CARS2: variants seen among roughly 807,000 people sequenced by gnomAD.
The protein encoded by CARS2 is cysteinyl-tRNA synthetase 2, mitochondrial, also known as probable cysteine--tRNA ligase, mitochondrial.
Under a neutral mutation model 68.8 loss-of-function variants are expected in CARS2, and 52 were observed. The ratio of observed to expected loss-of-function variants is 0.76; its 90% confidence interval spans 0.61 to 0.95. The LOEUF (loss-of-function observed/expected upper bound fraction) is 0.95. CARS2 is among the 40% of genes least tolerant of loss of function. The pLI, the probability that CARS2 is intolerant of heterozygous loss-of-function variation, is 0.00. For missense variants in CARS2, 780 were observed against 754.2 expected (o/e 1.03, Z -0.40); for synonymous variants, 314 against 303.6 (o/e 1.03, Z -0.36).
upstream of CARS2, chr13:110,706,353 C>G (rs1226522517): frequency 3.5e-6 from 1 of 283,818 alleles, no homozygotes; most frequent in Non-Finnish European, 6.5e-6. Flanking sequence ...GCCGGGAGGC[C>G]GTGGGAAGAG....
At chr13:110,703,887 TC>T (rs1278595596) in intron 2 of CARS2, among the ~76,000 whole-genome samples, 2 of 152,162 alleles carry the variant, frequency 1.3e-5, no homozygotes, top group Non-Finnish European at 2.9e-5. Flanking sequence ...AAACCCTAAC[TC>T]CCAAGGTGAC....
chr13:110,661,857 C>T (rs2062510759), intron 9 of CARS2, among the ~76,000 whole-genome samples: 1 of 152,174 alleles, frequency 6.6e-6, no homozygotes, highest in Non-Finnish European at 1.5e-5. Flanking sequence ...AGAACATGCA[C>T]AACACATACT....
Position 110,705,984 on chromosome 13 carries a change from C to A in CARS2, c.110G>T (p.Gly37Val), listed in dbSNP as rs1365757318. 7.3e-6 allele frequency: 11 copies of A among 1,505,802 alleles called. No homozygotes were observed. The South Asian group carries it at 1.2e-4, about 17-fold the overall frequency. 93.3% of individuals were successfully genotyped at this position (1,505,802 alleles called of 1,614,324 possible). A position where few individuals can be genotyped will look rare whatever the true frequency, so the allele number is the denominator to read the frequency against. Reference sequence around the variant, plus strand: ...GGGCTGCAGCCAGGCCCGCCCGCGCCCCCCGCTCGCCGCCCGGCCCGCAGG... The same window carrying A: ...GGGCTGCAGCCAGGCCCGCCCGCGCACCCCGCTCGCCGCCCGGCCCGCAGG... The part of the protein sequence containing the change: ...HWPAGRAASG[G>V]RGRAWLQPTG... The change falls in exon 1 of 15, where the codon GGG becomes GTG. Residue 37 changes from glycine (G) to valine (V), a missense_variant. Transcript: ENST00000257347. The surrounding 1 kb of genome is among the most constrained non-coding windows in gnomAD (Gnocchi z 4.0).
Position 110,706,075 on chromosome 13 carries a change from C to G in CARS2, c.19G>C (p.Gly7Arg). Residue 7 changes from glycine (G) to arginine (R), a missense_variant, in exon 1 of 15, where the codon GGC becomes CGC. Physicochemically the swap from Gly to Arg is moderately radical, Grantham distance 125. Transcript: ENST00000257347. Reference protein sequence around the residue: MLRTTRGPGLGPPLLQA... With the variant: MLRTTRRPGLGPPLLQA... Reference sequence around the variant, plus strand: ...AGCAGCGGGGGGCCCAGGCCTGGGCCGCGCGTAGTCCTCAACATGTCAGCG... The same window carrying G: ...AGCAGCGGGGGGCCCAGGCCTGGGCGGCGCGTAGTCCTCAACATGTCAGCG... The G allele has an allele frequency of 1.5e-6, 2 of 1,341,052 alleles. No individual in the cohort carries two copies. Among genetic ancestry groups the G allele is most frequent in the Non-Finnish European group, 9.5e-7 (1 of 1,047,392 alleles). The allele number at this position is 1,341,052 out of a possible 1,614,324, so 83.1% of individuals were successfully genotyped here. A position where few individuals can be genotyped will look rare whatever the true frequency, so the allele number is the denominator to read the frequency against.
At chr13:110,644,270 AG>A (rs752521387) in intron 13 of CARS2, 114 bp downstream of exon 13, 68 of 1,335,464 alleles carry the variant, frequency 5.1e-5, no homozygotes, top group Non-Finnish European at 6.8e-5. Flanking sequence ...GTTTTTAAAC[AG>A]GTAAATACAT....
intron 10 of CARS2, 118 bp downstream of exon 10, chr13:110,650,916 C>T: frequency 1.4e-6 from 1 of 734,668 alleles, no homozygotes; most frequent in South Asian, 1.7e-5. Context: ...AGGCACACAG[C>T]AGCCTCACTC....
At chr13:110,712,992 C>T (rs1311775060) in intron 1 of CARS2, 1 of 1,548,532 alleles carries the variant, frequency 6.5e-7, no homozygotes, top group Non-Finnish European at 8.7e-7. Context: ...GTCTCCCGCG[C>T]ACTCTGCGGC....
chr13:110,651,218 C>A (rs1355853201), intron 9 of CARS2, 118 bp from the exon 10 acceptor site: 4 of 652,432 alleles, frequency 6.1e-6, no homozygotes, highest in African/African-American at 3.8e-5. Context: ...AAATCAGGAA[C>A]CTTGATGAAA....
chr13:110,678,594 T>G (rs2063042862), intron 6 of CARS2, among the ~76,000 whole-genome samples: 1 of 152,178 alleles, frequency 6.6e-6, no homozygotes, highest in Non-Finnish European at 1.5e-5. Context: ...GAACAATTCC[T>G]ACATAGTGCA....
In CARS2 at chr13:110,647,254, A is replaced by AT; in HGVS notation, c.1055-16dup. On this transcript the variant is annotated splice_polypyrimidine_tract_variant and intron_variant, in intron 10 of 14. Transcript: ENST00000257347. ...GTAGTCGATGGCTGAGGAGGAAGAG[A>AT]TGGTCACTGAGGCGGTGCCCACCAT... The AT allele has an allele frequency of 6.2e-7, 1 of 1,609,580 alleles. No homozygotes were observed.
intron 6 of CARS2, among the ~76,000 whole-genome samples, chr13:110,682,237 C>G (rs2063177774): frequency 6.6e-6 from 1 of 152,230 alleles, no homozygotes; most frequent in South Asian, 2.1e-4. Context: ...AAAAACCTTC[C>G]TGATGCCAGA....
chr13:110,648,602 G>T (rs114017566), intron 10 of CARS2: 4,461 of 152,320 alleles, frequency 0.029, 91 homozygotes, highest in South Asian at 0.057. Context: ...CGACGGCCCA[G>T]CTCCTCAAGG....
At chr13:110,710,269 C>T (rs2064016096), upstream of CARS2, among the ~76,000 whole-genome samples, 2 of 152,074 alleles carry the variant, frequency 1.3e-5, no homozygotes, top group South Asian at 4.2e-4. Context: ...GTAATCCCAG[C>T]TACTCAGGAG....
At chr13:110,694,223 T>C (rs1320891481) in intron 3 of CARS2, among the ~76,000 whole-genome samples, 1 of 151,702 alleles carries the variant, frequency 6.6e-6, no homozygotes, top group Admixed American at 6.6e-5. Flanking sequence ...ACAAGGTTTC[T>C]CCACGGTGGT....
chr13:110,656,889 GAA>G lies in CARS2; in HGVS notation c.988-5791_988-5790del, dbSNP rs11322756. ...ACAGAGTGAGACTCTGTCTCAAAAA[GAA>G]AAAAAAAAAAACGTTCTTAGATAGT... On this transcript the variant is annotated intron_variant, in intron 9 of 14. Transcript: ENST00000257347. Among the ~76,000 whole-genome samples, 39 of 135,606 alleles carry G rather than the reference GAA, an allele frequency of 2.9e-4. 1 individual carries two copies. In the East Asian group the frequency reaches 3.3e-3, roughly 11 times the overall value. The allele number at this position is 135,606 out of a possible 152,430, so 89.0% of individuals were successfully genotyped here. A position where few individuals can be genotyped will look rare whatever the true frequency, so the allele number is the denominator to read the frequency against.
rs144673570 is a variant in CARS2, at chr13:110,662,971, C to T, written c.987+480G>A. ...TGGGTGTGCCTGTTTTCCATTCACACGAAAATTCACATTCCATGTGTCAGC... is the reference window on the plus strand; with the variant it reads ...TGGGTGTGCCTGTTTTCCATTCACATGAAAATTCACATTCCATGTGTCAGC... On this transcript the variant is annotated intron_variant, in intron 9 of 14. Coordinates refer to ENST00000257347, the MANE Select transcript of CARS2 (RefSeq NM_024537.4). 532 of 456,000 alleles carry T rather than the reference C, an allele frequency of 1.2e-3. 4 individuals are homozygous for T. The highest frequency in any genetic ancestry group is 5.8e-3 in the South Asian group (374 of 64,476). 28.2% of individuals were successfully genotyped at this position (456,000 alleles called of 1,614,324 possible). A position where few individuals can be genotyped will look rare whatever the true frequency, so the allele number is the denominator to read the frequency against.
exon 1 of CARS2, chr13:110,713,334 G>A: frequency 3.6e-6 from 4 of 1,123,394 alleles, no homozygotes; most frequent in Non-Finnish European, 4.4e-6. Flanking sequence ...CCCGCGGCCC[G>A]TTAGGTCCTG....
chr13:110,694,620 A>C (rs1296476088), intron 3 of CARS2, among the ~76,000 whole-genome samples: 1 of 151,822 alleles, frequency 6.6e-6, no homozygotes, highest in African/African-American at 2.4e-5. Flanking sequence ...CTGGATGACA[A>C]AGTGAGACCC....
chr13:110,695,475 G>A (rs189888402), intron 3 of CARS2, among the ~76,000 whole-genome samples: 216 of 152,188 alleles, frequency 1.4e-3, no homozygotes, highest in Admixed American at 2.6e-3. Flanking sequence ...GGTATGTGGG[G>A]AGGGGGTCCT....
Sources: gnomAD v4.1 joint callset for allele counts (sites outside exome capture counted in the v4.1 genomes callset) on GRCh38, gnomAD v4.1.1 for gene constraint, Gnocchi (gnomAD v3.1) non-coding constraint, MANE v1.5 for transcripts, NCBI Gene and HGNC (gene_info 2026-07-23, HGNC 2026-07-21) for gene names.